The following SMARCAL1 variants were observed in gnomAD, a reference collection of about 807,000 sequenced individuals.
The protein encoded by SMARCAL1 is ATP-driven annealing helicase.
SMARCAL1 carries 58 observed loss-of-function variants against 94.5 expected under a neutral mutation model. The observed-to-expected ratio is 0.61, with a 90% confidence interval of 0.50 to 0.76. The LOEUF is 0.76. SMARCAL1 is among the 30% of genes least tolerant of loss of function. SMARCAL1 has a pLI of 0.00. For synonymous variants in SMARCAL1, 422 were observed against 455.1 expected, an observed-to-expected ratio of 0.93 and a Z score of 0.93; for missense variants, 1,051 against 1,177.9, an observed-to-expected ratio of 0.89 and a Z score of 1.58.
At chr2:216,461,055 G>GGTGTGTGTGTGTGTGTGTGTGT (rs71054476) in intron 12 of SMARCAL1, among the ~76,000 whole-genome samples, 3 of 146,242 alleles carry the variant, frequency 2.1e-5, no homozygotes, top group Non-Finnish European at 3.0e-5. Context: ...ACTAGAAAGA[G>GGTGTGTGTGTGTGTGTGTGTGT]GTGTGTGTGT....
chr2:216,448,399 G>A (rs915865764), intron 11 of SMARCAL1, among the ~76,000 whole-genome samples: 3 of 152,284 alleles, frequency 2.0e-5, no homozygotes, highest in African/African-American at 7.2e-5. Context: ...TTCAGCTAGT[G>A]ATGAAAGGGG....
chr2:216,482,160 A>C lies in SMARCAL1; in HGVS notation c.2626-578A>C, dbSNP rs1695214328. ...GCCATGGCTGAACACAGAGATTTGGAAGTTGGGGGGCTGGGCACATGGTGG... is the reference window on the plus strand; with the variant it reads ...GCCATGGCTGAACACAGAGATTTGGCAGTTGGGGGGCTGGGCACATGGTGG... On this transcript the variant is annotated intron_variant, in intron 17 of 17. Coordinates refer to ENST00000357276, the MANE Select transcript of SMARCAL1 (RefSeq NM_014140.4). The surrounding 1 kb of genome is among the most constrained non-coding windows in gnomAD (Gnocchi z 4.3). 6.6e-6 allele frequency among the ~76,000 whole-genome samples: 1 copy of C among 152,114 alleles called. No individual in the cohort carries two copies. The highest frequency in any genetic ancestry group is 1.5e-5 in the Non-Finnish European group (1 of 68,022).
chr2:216,443,667 G>C (rs1009006554), intron 10 of SMARCAL1, among the ~76,000 whole-genome samples: 1 of 152,182 alleles, frequency 6.6e-6, no homozygotes, highest in Non-Finnish European at 1.5e-5. Flanking sequence ...TGGAACATAG[G>C]CTAGAACCTA....
At chr2:216,451,103 G>T (rs1694441527) in intron 12 of SMARCAL1, 39 bp downstream of exon 12, 63 of 1,534,584 alleles carry the variant, frequency 4.1e-5, no homozygotes, top group Non-Finnish European at 5.7e-5. Flanking sequence ...AAGCAGACAT[G>T]TCTAGGTGTT....
At position 216,423,642 on chromosome 2, in the gene SMARCAL1, C is replaced by G. The variant is rs768780091; in HGVS notation, c.1106C>G (p.Thr369Ser). ...TTTCTTGTCATTGCAGATGTCAAGA[C>G]CAGGAAGTGGAGCTTTCTCTTGGAA... ...QMDSRRYDVKTRKWSFLLEEH... is the reference protein window; with the variant it reads ...QMDSRRYDVKSRKWSFLLEEH... Residue 369 changes from threonine to serine, a missense_variant, in exon 6 of 18, where the codon ACC (threonine) becomes AGC (serine). By Grantham distance (58) the Thr-to-Ser change is moderately conservative (BLOSUM62 1). Around this residue, in one of 3 missense-constraint regions of SMARCAL1, gnomAD observed 642 missense variants for 754.7 expected, o/e 0.85. Transcript: ENST00000357276. 7.4e-6 allele frequency: 12 copies of G among 1,613,836 alleles called. No individual in the cohort carries two copies. Among genetic ancestry groups the G allele is most frequent in the Non-Finnish European group, 1.0e-5 (12 of 1,179,746 alleles).
intron 9 of SMARCAL1, among the ~76,000 whole-genome samples, chr2:216,437,162 C>G (rs751518209): frequency 6.6e-6 from 1 of 152,166 alleles, no homozygotes; most frequent in Non-Finnish European, 1.5e-5. Flanking sequence ...GAGATTTGTT[C>G]CAGTATTGGC....
rs560477051 is a variant in SMARCAL1 at position 216,418,287 on chromosome 2, A to G, written c.862+1980A>G. 7.2e-4 allele frequency among the ~76,000 whole-genome samples: 109 copies of G among 152,344 alleles called. 2 individuals carry two copies. The highest frequency in any genetic ancestry group is 2.5e-3 in the African/African-American group (105 of 41,576). On this transcript the variant is annotated intron_variant, in intron 4 of 17. Transcript: ENST00000357276. ...TTATTGGATACAAAATTCTCCATAT[A>G]TACTTCTCAATGAAGCTCATAGAAG...
At chr2:216,454,880 C>T (rs111481563) in intron 12 of SMARCAL1, among the ~76,000 whole-genome samples, 7,993 of 152,222 alleles carry the variant, frequency 0.053, 299 homozygotes, top group African/African-American at 0.11. Flanking sequence ...GCACACCGAG[C>T]GTGAGCGGAA....
chr2:216,417,960 G>A (rs568501762), intron 4 of SMARCAL1, among the ~76,000 whole-genome samples: 24 of 152,066 alleles, frequency 1.6e-4, no homozygotes, highest in African/African-American at 4.1e-4. Context: ...TCACTCTGTC[G>A]CCCAGGCTGG....
intron 6 of SMARCAL1, among the ~76,000 whole-genome samples, chr2:216,428,054 G>T (rs538979236): frequency 6.6e-6 from 1 of 152,304 alleles, no homozygotes; most frequent in East Asian, 1.9e-4. Flanking sequence ...AGCAATTGAT[G>T]ATCTGTAAAT....
chr2:216,470,827 C>A (rs1574481144), intron 14 of SMARCAL1, among the ~76,000 whole-genome samples: 1 of 84,572 alleles, frequency 1.2e-5, no homozygotes, highest in Non-Finnish European at 2.2e-5. Context: ...CTGTTACTCC[C>A]AAGAACATCT....
At chr2:216,425,374 T>C (rs892010480) in intron 6 of SMARCAL1, among the ~76,000 whole-genome samples, 2 of 152,198 alleles carry the variant, frequency 1.3e-5, no homozygotes, top group Admixed American at 1.3e-4. Flanking sequence ...GGCTGGATGA[T>C]GGGAATGTGC....
intron 7 of SMARCAL1, 138 bp from the exon 8 acceptor site, chr2:216,432,580 G>A: frequency 1.0e-6 from 1 of 952,452 alleles, no homozygotes; most frequent in Non-Finnish European, 1.7e-6. Context: ...TTTCCTTCTG[G>A]GGAGCAAGTC....
chr2:216,449,509 C>T (rs1258410336), intron 11 of SMARCAL1, among the ~76,000 whole-genome samples: 1 of 152,156 alleles, frequency 6.6e-6, no homozygotes, highest in African/African-American at 2.4e-5. Flanking sequence ...TGAGAACTTC[C>T]AGTTGATTTC....
At chr2:216,423,894 A>G (rs1461745246) in intron 6 of SMARCAL1, among the ~76,000 whole-genome samples, 2 of 152,138 alleles carry the variant, frequency 1.3e-5, no homozygotes, top group Admixed American at 6.5e-5. Context: ...GGCCTCTTCT[A>G]TCATAAGGGT....
chr2:216,448,464 C>T (rs1051772877), intron 11 of SMARCAL1, among the ~76,000 whole-genome samples: 1 of 152,154 alleles, frequency 6.6e-6, no homozygotes, highest in African/African-American at 2.4e-5. Flanking sequence ...CTATGTTCCC[C>T]ATCTTAGGCC....
chr2:216,473,942 ATG>A (rs1447083415), intron 14 of SMARCAL1, among the ~76,000 whole-genome samples: 5 of 152,116 alleles, frequency 3.3e-5, no homozygotes, highest in Admixed American at 2.0e-4. Context: ...ATCAACTCAG[ATG>A]TCCTTCAACA....
chr2:216,432,995 G>A, intron 8 of SMARCAL1, 127 bp downstream of exon 8: 1 of 1,248,856 alleles, frequency 8.0e-7, no homozygotes, highest in Non-Finnish European at 1.2e-6. Flanking sequence ...GGCAAAGGCA[G>A]GAAGAGAGAT....
chr2:216,477,454 T>C (rs934257444), intron 16 of SMARCAL1, among the ~76,000 whole-genome samples: 2 of 152,322 alleles, frequency 1.3e-5, no homozygotes, highest in East Asian at 3.9e-4. Context: ...TGGCTCCTTT[T>C]GCTGCTGGTC....
Sources: gnomAD v4.1 joint callset for allele counts (sites outside exome capture counted in the v4.1 genomes callset) on GRCh38, gnomAD v4.1.1 for gene constraint, gnomAD v4.1.1 regional missense constraint, Gnocchi (gnomAD v3.1) non-coding constraint, MANE v1.5 for transcripts, NCBI Gene and HGNC (gene_info 2026-07-23, HGNC 2026-07-21) for gene names.